AKT3: variants seen among roughly 807,000 people sequenced by gnomAD.
AKT3 encodes the protein AKT serine/threonine kinase 3.
Under a neutral mutation model 65.3 loss-of-function variants are expected in AKT3, and 15 were observed. The observed-to-expected ratio is 0.23, with a 90% CI of 0.15 to 0.35. The LOEUF (loss-of-function observed/expected upper bound fraction) is 0.35, where lower values mean the gene tolerates loss of function less well. Among genes scored for constraint, AKT3 ranks in the 10% least tolerant of loss-of-function variants. The probability of loss-of-function intolerance (pLI) is 1.00; values close to 1 mark genes in which losing one functional copy is unlikely to be tolerated. For synonymous variants in AKT3, 206 were observed against 183.8 expected (o/e 1.12, Z -0.98); for missense variants, 243 against 576.5 (o/e 0.42, Z 5.92).
intron 2 of AKT3, among the ~76,000 whole-genome samples, chr1:243,764,487 C>T (rs1426358988): frequency 6.6e-6 from 1 of 151,928 alleles, no homozygotes; most frequent in African/African-American, 2.4e-5. Flanking sequence ...AAGTATAATA[C>T]ACAAATACGT....
chr1:243,779,754 C>A (rs1255763229), intron 2 of AKT3, among the ~76,000 whole-genome samples: 1 of 152,078 alleles, frequency 6.6e-6, no homozygotes, highest in Non-Finnish European at 1.5e-5. Flanking sequence ...CCCTAGAGAG[C>A]TGCTTCTAGA....
intron 12 of AKT3, among the ~76,000 whole-genome samples, chr1:243,538,630 A>C (rs533813641): frequency 3.3e-5 from 5 of 152,286 alleles, no homozygotes; most frequent in African/African-American, 1.2e-4. Context: ...TGGAGTACTT[A>C]TATTAATATC....
intron 12 of AKT3, among the ~76,000 whole-genome samples, chr1:243,534,421 C>A (rs187028738): frequency 1.1e-4 from 17 of 152,238 alleles, no homozygotes; most frequent in African/African-American, 3.9e-4. Flanking sequence ...GATGACTCTA[C>A]TATTATAGTT....
chr1:243,807,785 G>A (rs572009956), intron 2 of AKT3, among the ~76,000 whole-genome samples: 30 of 152,330 alleles, frequency 2.0e-4, no homozygotes, highest in African/African-American at 6.5e-4. Flanking sequence ...GCAACCCCCA[G>A]TAGGGGCAGA....
Position 243,499,738 on chromosome 1 carries a change from TTTTA to T in AKT3, c.*5507_*5510del. 1 of 1,603,020 alleles carries T rather than the reference TTTTA, an allele frequency of 6.2e-7. No individual in the cohort carries two copies. Among genetic ancestry groups the T allele is most frequent in the Non-Finnish European group, 8.5e-7 (1 of 1,170,130 alleles). On this transcript the variant is annotated 3_prime_UTR_variant, in exon 14 of 14. Coordinates refer to ENST00000673466, the MANE Select transcript of AKT3 (RefSeq NM_005465.7). ...AGAACATGAGCTATTGAAACTTACT[TTTTA>T]TTATTTTTTCCAGTTACCCAGCATG...
intron 10 of AKT3, among the ~76,000 whole-genome samples, chr1:243,559,658 T>C (rs1342253325): frequency 6.6e-6 from 1 of 152,110 alleles, no homozygotes; most frequent in African/African-American, 2.4e-5. Context: ...TTATACCAGA[T>C]TAAAACAACG....
In AKT3 at chr1:243,503,277, CCA is replaced by C; in HGVS notation, c.*1970_*1971del. 1.3e-5 allele frequency: 3 copies of C among 233,664 alleles called. No homozygotes were observed. In the East Asian group the frequency reaches 1.8e-4, roughly 14 times the overall value. The allele number at this position is 233,664 out of a possible 1,614,324, so 14.5% of individuals were successfully genotyped here. A position where few individuals can be genotyped will look rare whatever the true frequency, so the allele number is the denominator to read the frequency against. ...AAATGCCCTTTAACCCCCGTCAGTC[CCA>C]GTGGCCCACCCACTGCCAGCAGTGG... is the stretch of plus-strand genomic sequence containing the variant. On this transcript the variant is annotated 3_prime_UTR_variant, in exon 14 of 14. Coordinates refer to ENST00000673466, the MANE Select transcript of AKT3 (RefSeq NM_005465.7).
At chr1:243,832,453 T>G (rs1427783030) in intron 2 of AKT3, among the ~76,000 whole-genome samples, 1 of 152,126 alleles carries the variant, frequency 6.6e-6, no homozygotes. Flanking sequence ...CCTAGCAAAA[T>G]TTCACTTCCA....
intron 2 of AKT3, among the ~76,000 whole-genome samples, chr1:243,756,504 A>T (rs987274521): frequency 6.6e-6 from 1 of 152,240 alleles, no homozygotes; most frequent in South Asian, 2.1e-4. Context: ...ATCAAAATAC[A>T]TAATACGAAA....
chr1:243,548,782 G>C (rs1158209619), intron 11 of AKT3, among the ~76,000 whole-genome samples: 1 of 152,108 alleles, frequency 6.6e-6, no homozygotes, highest in Non-Finnish European at 1.5e-5. Context: ...GGAAGATAAA[G>C]GAGGGGCTAA....
chr1:243,665,097 T>C (rs1261100719), intron 3 of AKT3, among the ~76,000 whole-genome samples: 1 of 152,102 alleles, frequency 6.6e-6, no homozygotes, highest in Non-Finnish European at 1.5e-5. Flanking sequence ...CTGGACTATA[T>C]AATTTTCCCC....
chr1:243,513,157 G>A (rs897496860), intron 12 of AKT3, among the ~76,000 whole-genome samples: 9 of 152,114 alleles, frequency 5.9e-5, no homozygotes, highest in African/African-American at 9.7e-5. Flanking sequence ...GGAAAGTCTC[G>A]GGCTACTGGA....
At chr1:243,815,799 T>TTGTTGTTGTTGTTGTTGTAGA (rs61439102) in intron 2 of AKT3, among the ~76,000 whole-genome samples, 19 of 151,826 alleles carry the variant, frequency 1.3e-4, no homozygotes, top group Admixed American at 2.0e-4. Context: ...GTTGTTGTTG[T>TTGTTGTTGTTGTTGTTGTAGA]AGAGATGAGG....
intron 2 of AKT3, among the ~76,000 whole-genome samples, chr1:243,770,661 G>A (rs1235371526): frequency 6.6e-6 from 1 of 151,086 alleles, no homozygotes; most frequent in African/African-American, 2.4e-5. Flanking sequence ...TTTCCAGACA[G>A]CTGTTTCTTA....
chr1:243,834,646 G>A lies in AKT3; in HGVS notation c.46+8479C>T, dbSNP rs374319880. On this transcript the variant is annotated intron_variant, in intron 2 of 13. Transcript: ENST00000673466. ...CTATAGGGTACTATGCTTATTACCC[G>A]GATGACGAAATAATCTGTATACCAA... 1.3e-4 allele frequency among the ~76,000 whole-genome samples: 20 copies of A among 151,806 alleles called. 1 individual carries two copies. The highest frequency in any genetic ancestry group is 1.2e-3 in the East Asian group (6 of 5,162).
intron 4 of AKT3, among the ~76,000 whole-genome samples, chr1:243,662,667 T>G (rs1437885420): frequency 6.6e-6 from 1 of 151,848 alleles, no homozygotes; most frequent in East Asian, 1.9e-4. Flanking sequence ...GTAACTAACC[T>G]GCACATTGTG....
chr1:243,649,138 G>A (rs1558682898), intron 4 of AKT3, among the ~76,000 whole-genome samples: 1 of 151,902 alleles, frequency 6.6e-6, no homozygotes, highest in Non-Finnish European at 1.5e-5. Flanking sequence ...GCTCTTGTGA[G>A]TTTTTTGACC....
intron 2 of AKT3, among the ~76,000 whole-genome samples, chr1:243,698,911 A>G (rs1487304980): frequency 6.9e-6 from 1 of 145,170 alleles, no homozygotes; most frequent in Non-Finnish European, 1.5e-5. Context: ...CAGAGGCTGG[A>G]CCAAAAAAAA....
intron 2 of AKT3, among the ~76,000 whole-genome samples, chr1:243,733,144 T>G (rs1687655603): frequency 6.6e-6 from 1 of 152,206 alleles, no homozygotes; most frequent in African/African-American, 2.4e-5. Context: ...GGACTTTTAC[T>G]GGTAAGGTAT....
Sources: allele counts gnomAD v4.1 joint callset (sites outside exome capture counted in the v4.1 genomes callset), GRCh38; gene constraint gnomAD v4.1.1; transcripts MANE v1.5; gene names NCBI Gene and HGNC (gene_info 2026-07-23, HGNC 2026-07-21).